DNAJB13: variants seen among roughly 807,000 people sequenced by gnomAD.
The protein encoded by DNAJB13 is DnaJ heat shock protein family (Hsp40) member B13.
A neutral mutation model predicts 35.6 loss-of-function variants in DNAJB13; 22 were observed. The ratio of observed to expected loss-of-function variants is 0.62; its 90% CI spans 0.44 to 0.88. The LOEUF (loss-of-function observed/expected upper bound fraction) is 0.88. Among genes scored for constraint, DNAJB13 ranks in the 40% least tolerant of loss-of-function variants. The probability of loss-of-function intolerance (pLI) is 0.00; values close to 1 mark genes in which losing one functional copy is unlikely to be tolerated. For synonymous variants in DNAJB13, 136 were observed against 144.2 expected, an observed-to-expected ratio of 0.94 and a Z score of 0.41; for missense variants, 370 against 384.3, an observed-to-expected ratio of 0.96 and a Z score of 0.31.
At chr11:73,966,294 G>A in intron 5 of DNAJB13, 43 bp downstream of exon 5, 1 of 1,568,408 alleles carries the variant, frequency 6.4e-7, no homozygotes, top group Non-Finnish European at 8.7e-7. Context: ...ACTGAGCTCA[G>A]GCGGTGGGAA....
intron 3 of DNAJB13, 38 bp from the exon 4 acceptor site, chr11:73,964,840 G>A (rs765854781): frequency 6.6e-7 from 1 of 1,525,016 alleles, no homozygotes; most frequent in African/African-American, 1.5e-5. Flanking sequence ...TGGGTCTCTG[G>A]ATACAATTTC....
At chr11:73,962,802 A>C (rs1389887099) in intron 3 of DNAJB13, among the ~76,000 whole-genome samples, 1 of 151,998 alleles carries the variant, frequency 6.6e-6, no homozygotes, top group Non-Finnish European at 1.5e-5. Flanking sequence ...TGCCACCCTC[A>C]CGTGTCTGCC....
chr11:73,961,560 C>T (rs1950932920), intron 3 of DNAJB13, among the ~76,000 whole-genome samples: 1 of 152,240 alleles, frequency 6.6e-6, no homozygotes, highest in Admixed American at 6.5e-5. Context: ...AACCTAGTGT[C>T]TCCACAACAG....
chr11:73,965,101 C>T, intron 4 of DNAJB13, 66 bp downstream of exon 4: 1 of 1,502,018 alleles, frequency 6.7e-7, no homozygotes, highest in Non-Finnish European at 8.9e-7. Context: ...TGCCTCCTCC[C>T]TTACCTGGGT....
At chr11:73,968,813 G>A (rs1418954774) in intron 6 of DNAJB13, among the ~76,000 whole-genome samples, 3 of 151,952 alleles carry the variant, frequency 2.0e-5, no homozygotes, top group Non-Finnish European at 2.9e-5. Flanking sequence ...CTGCACTCCC[G>A]CCCCTTCGCC....
chr11:73,966,392 G>C, intron 5 of DNAJB13, 141 bp downstream of exon 5: 1 of 731,820 alleles, frequency 1.4e-6, no homozygotes, highest in African/African-American at 1.7e-5. Context: ...CTGCAGAGTG[G>C]GTGAGATGGG....
chr11:73,958,929 C>T (rs538170077), intron 2 of DNAJB13, among the ~76,000 whole-genome samples: 1 of 152,312 alleles, frequency 6.6e-6, no homozygotes, highest in Middle Eastern at 3.4e-3. Flanking sequence ...GTGATCCCCG[C>T]CCCGGCACCC....
At chr11:73,955,756 G>A (rs557550070) in intron 1 of DNAJB13, among the ~76,000 whole-genome samples, 14 of 152,218 alleles carry the variant, frequency 9.2e-5, no homozygotes, top group Non-Finnish European at 1.8e-4. Context: ...AGCCCAGATC[G>A]CGCCACTGCA....
At chr11:73,959,425 C>T in intron 2 of DNAJB13, 69 bp from the exon 3 acceptor site, 1 of 1,549,530 alleles carries the variant, frequency 6.5e-7, no homozygotes, top group Non-Finnish European at 8.8e-7. Context: ...TATCCGCCTG[C>T]TTCCCAGCCC....
intron 6 of DNAJB13, 37 bp from the exon 7 acceptor site, chr11:73,969,209 C>A: frequency 1.3e-6 from 1 of 786,376 alleles, no homozygotes. Context: ...CCATGGTGAC[C>A]CTCCTCAGCC....
rs3222042 is a variant in DNAJB13 at position 73,964,765 on chromosome 11, CTGTGTGTGTG to C, written c.335-74_335-65del. 0.049 allele frequency: 32,008 copies of C among 657,850 alleles called. 601 individuals are homozygous for C. Among genetic ancestry groups the C allele is most frequent in the Non-Finnish European group, 0.054 (21,969 of 405,354 alleles). 40.8% of individuals were successfully genotyped at this position (657,850 alleles called of 1,614,324 possible). A position where few individuals can be genotyped will look rare whatever the true frequency, so the allele number is the denominator to read the frequency against. Reference sequence around the variant, plus strand: ...TGGGGAGCATATCTGGATAGGGAGGCTGTGTGTGTGTGTGTGTGTGTGTGTGTGTGTGTGT... The same window carrying C: ...TGGGGAGCATATCTGGATAGGGAGGCTGTGTGTGTGTGTGTGTGTGTGTGT... On this transcript the variant is annotated intron_variant, in intron 3 of 7. Transcript: ENST00000339764.
intron 4 of DNAJB13, 88 bp from the exon 5 acceptor site, chr11:73,966,049 AC>A (rs1951104950): frequency 8.3e-7 from 1 of 1,198,924 alleles, no homozygotes; most frequent in African/African-American, 1.5e-5. Context: ...TGCAAAGGTC[AC>A]CTGAGTGTTC....
chr11:73,956,176 C>T (rs529071535), intron 1 of DNAJB13, among the ~76,000 whole-genome samples: 1 of 152,338 alleles, frequency 6.6e-6, no homozygotes, highest in Non-Finnish European at 1.5e-5. Flanking sequence ...ACCTGGAACA[C>T]AGCACTGCTG....
chr11:73,964,048 C>T (rs1012851643), intron 3 of DNAJB13: 1 of 152,194 alleles, frequency 6.6e-6, no homozygotes, highest in African/African-American at 2.4e-5. Flanking sequence ...GCACCTGACG[C>T]ATAGTAAGCT....
chr11:73,969,885 G>A, intron 7 of DNAJB13, 76 bp from the exon 8 acceptor site: 1 of 1,515,058 alleles, frequency 6.6e-7, no homozygotes, highest in Non-Finnish European at 8.9e-7. Flanking sequence ...TATGTGAGTA[G>A]GGGTTATATG....
At chr11:73,954,629 C>CAAAAAAAA (rs371177631) in intron 1 of DNAJB13, among the ~76,000 whole-genome samples, 6 of 111,608 alleles carry the variant, frequency 5.4e-5, no homozygotes, top group Non-Finnish European at 5.5e-5. Context: ...GACTCCGTCT[C>CAAAAAAAA]AAAAAAAAAA....
At chr11:73,953,796 A>C (rs1485790697) in intron 1 of DNAJB13, among the ~76,000 whole-genome samples, 1 of 151,620 alleles carries the variant, frequency 6.6e-6, no homozygotes, top group Non-Finnish European at 1.5e-5. Context: ...CTCTTCCCTC[A>C]AGACCATCCT....
chr11:73,958,321 C>A lies in DNAJB13; in HGVS notation c.73C>A (p.Arg25Ser), dbSNP rs375603870. ...SEDAQIKQAY[R>S]RLALKHHPLK... Reference sequence around the variant, plus strand: ...TATTAATTCTCCCTCTTCCAGGTACCGCAGACTCGCCCTTAAGCACCACCC... The same window carrying A: ...TATTAATTCTCCCTCTTCCAGGTACAGCAGACTCGCCCTTAAGCACCACCC... Residue 25 changes from arginine to serine, a missense_variant, in exon 2 of 8, where the codon CGC (arginine) becomes AGC (serine). Transcript: ENST00000339764. 3.0e-5 allele frequency: 49 copies of A among 1,613,898 alleles called. No homozygotes were observed. The highest frequency in any genetic ancestry group is 4.0e-5 in the Non-Finnish European group (47 of 1,179,982).
intron 5 of DNAJB13, 189 bp from the exon 6 acceptor site, chr11:73,968,156 C>A: frequency 1.6e-6 from 1 of 608,190 alleles, no homozygotes. Context: ...TGGGGGGATT[C>A]ATTTGGGTAA....
Sources: gnomAD v4.1 joint callset for allele counts (sites outside exome capture counted in the v4.1 genomes callset) on GRCh38, gnomAD v4.1.1 for gene constraint, MANE v1.5 for transcripts, NCBI Gene and HGNC (gene_info 2026-07-23, HGNC 2026-07-21) for gene names.